Variants in MYZAP observed in about 807,000 individuals in gnomAD.
MYZAP encodes myocardial zonula adherens protein, also known as GRINL1A complex locus upstream.
Under a neutral mutation model 69.4 loss-of-function variants are expected in MYZAP, and 66 were observed. That is an observed-to-expected ratio of 0.95 (90% CI 0.78 to 1.17). The LOEUF (loss-of-function observed/expected upper bound fraction) is 1.17, where lower values mean the gene tolerates loss of function less well. Among genes scored for constraint, MYZAP ranks in the 50% most tolerant of loss-of-function variants. The pLI is 0.00. For synonymous variants in MYZAP, 256 were observed against 205.9 expected, an observed-to-expected ratio of 1.24 and a Z score of -2.09; for missense variants, 611 against 556.2, an observed-to-expected ratio of 1.10 and a Z score of -0.99.
chr15:57,644,382 G>A (rs189974957), intron 10 of MYZAP, among the ~76,000 whole-genome samples: 5 of 152,224 alleles, frequency 3.3e-5, no homozygotes, highest in Admixed American at 2.6e-4. Flanking sequence ...GCACTGTCAG[G>A]GGACCTTCAC....
At chr15:57,624,405 T>G (rs1388974835) in intron 4 of MYZAP, among the ~76,000 whole-genome samples, 2 of 152,168 alleles carry the variant, frequency 1.3e-5, no homozygotes, top group South Asian at 2.1e-4. Context: ...ATTTCTTGAT[T>G]ATAGGAGTGG....
At position 57,633,747 on chromosome 15, in the gene MYZAP, A is replaced by C. The variant is rs1347254150; in HGVS notation, c.933+6A>C. On this transcript the variant is annotated splice_donor_region_variant and intron_variant, in intron 8 of 12. Coordinates refer to ENST00000267853, the MANE Select transcript of MYZAP (RefSeq NM_001018100.5). ...TGATTGAGCGCATGGAAAAGGTAGGACACAGCGTTGGGCCTATTGCCCACT... is the reference window on the plus strand; with the variant it reads ...TGATTGAGCGCATGGAAAAGGTAGGCCACAGCGTTGGGCCTATTGCCCACT... 1.3e-6 allele frequency: 2 copies of C among 1,599,326 alleles called. No individual in the cohort carries two copies. The highest frequency in any genetic ancestry group is 1.7e-6 in the Non-Finnish European group (2 of 1,173,140).
Position 57,673,463 on chromosome 15 carries a change from CGTGTGTGTGTGTGTGTGTGTGT to C in MYZAP, c.1204-1471_1204-1450del, listed in dbSNP as rs3051249. ...CTGCACGTGTGCGCATGCGTGCATGCGTGTGTGTGTGTGTGTGTGTGTGTGTGTGTGTGTGTGTGTGTGTGTG... is the reference window on the plus strand; with the variant it reads ...CTGCACGTGTGCGCATGCGTGCATGCGTGTGTGTGTGTGTGTGTGTGTGTG... On this transcript the variant is annotated intron_variant, in intron 11 of 12. Transcript: ENST00000267853. Among the ~76,000 whole-genome samples, 31 of 102,664 alleles carry C rather than the reference CGTGTGTGTGTGTGTGTGTGTGT, an allele frequency of 3.0e-4. 1 individual carries two copies. Among genetic ancestry groups the C allele is most frequent in the African/African-American group, 8.1e-4 (22 of 27,010 alleles). 67.4% of individuals were successfully genotyped at this position (102,664 alleles called of 152,430 possible).
chr15:57,671,805 T>C (rs1360117684), intron 11 of MYZAP, among the ~76,000 whole-genome samples: 22 of 152,212 alleles, frequency 1.4e-4, no homozygotes, highest in African/African-American at 5.3e-4. Context: ...TGACTGATCA[T>C]TGTTATGATG....
chr15:57,615,951 A>G (rs2035409065), intron 2 of MYZAP, among the ~76,000 whole-genome samples: 1 of 118,690 alleles, frequency 8.4e-6, no homozygotes, highest in Non-Finnish European at 1.7e-5. Context: ...TTACATTGAA[A>G]CGAAGCAAAA....
In MYZAP at chr15:57,616,822, C is replaced by CTTTTTT. The variant is rs763856721; in HGVS notation, c.163-1191_163-1186dup. ...GAGACTCCATCTAAAAAAAAAAGTG[C>CTTTTTT]TTTTTTTTTTTTTTTTTTTTTTTTT... On this transcript the variant is annotated intron_variant, in intron 2 of 12. Transcript: ENST00000267853. Among the ~76,000 whole-genome samples the CTTTTTT allele has an allele frequency of 1.3e-3, 63 of 50,058 alleles. 2 individuals are homozygous for CTTTTTT. Among genetic ancestry groups the CTTTTTT allele is most frequent in the South Asian group, 3.7e-3 (4 of 1,076 alleles). 32.8% of individuals were successfully genotyped at this position (50,058 alleles called of 152,430 possible).
intron 11 of MYZAP, among the ~76,000 whole-genome samples, chr15:57,662,484 C>T (rs1040823481): frequency 2.0e-5 from 3 of 152,114 alleles, no homozygotes; most frequent in African/African-American, 7.2e-5. Context: ...CAAGTGTGAA[C>T]CCTGGATCTG....
chr15:57,600,626 A>T (rs2034349500), intron 1 of MYZAP, among the ~76,000 whole-genome samples: 1 of 152,160 alleles, frequency 6.6e-6, no homozygotes, highest in African/African-American at 2.4e-5. Flanking sequence ...ACCATTAAGG[A>T]TTACCCCTCT....
At chr15:57,635,144 T>TG (rs1192485366) in intron 8 of MYZAP, among the ~76,000 whole-genome samples, 1 of 152,210 alleles carries the variant, frequency 6.6e-6, no homozygotes, top group African/African-American at 2.4e-5. Context: ...ATTTGAATCT[T>TG]GTGTCTCTTT....
intron 10 of MYZAP, among the ~76,000 whole-genome samples, chr15:57,652,453 C>G (rs564623389): frequency 6.6e-6 from 1 of 152,162 alleles, no homozygotes; most frequent in South Asian, 2.1e-4. Context: ...AGAGAATGGA[C>G]TTTAAAAAAT....
chr15:57,659,491 C>A (rs1249068140), intron 10 of MYZAP, among the ~76,000 whole-genome samples: 1 of 152,120 alleles, frequency 6.6e-6, no homozygotes, highest in African/African-American at 2.4e-5. Context: ...ACTTGTATTG[C>A]TTTCTCTTAC....
At position 57,629,818 on chromosome 15, in the gene MYZAP, G is replaced by A. The variant is rs746777758; in HGVS notation, c.642G>A (p.Glu214=). Residue 214 remains glutamate (E), a synonymous_variant, in exon 6 of 13, where the codon GAG becomes GAA. Transcript: ENST00000267853. ...DKLREKQRQL[E]VAQVENQLLK... ...TGAGGGAAAAGCAGAGGCAGTTGGA[G>A]GTAGCGCAAGTTGAAAACCAGCTGC... 11 of 1,613,888 alleles carry A rather than the reference G, an allele frequency of 6.8e-6. No homozygotes were observed. In the Middle Eastern group the frequency reaches 6.6e-4, roughly 97 times the overall value.
intron 5 of MYZAP, among the ~76,000 whole-genome samples, chr15:57,626,115 T>C (rs932005224): frequency 6.6e-6 from 1 of 152,182 alleles, no homozygotes; most frequent in Non-Finnish European, 1.5e-5. Flanking sequence ...GAAAAGGAAA[T>C]TTAGACCCCG....
intron 11 of MYZAP, among the ~76,000 whole-genome samples, chr15:57,668,450 A>G (rs2038699899): frequency 6.6e-6 from 1 of 152,166 alleles, no homozygotes; most frequent in Non-Finnish European, 1.5e-5. Flanking sequence ...AGTATTGCCA[A>G]CCTTTTAAAT....
At chr15:57,623,777 C>T (rs7167673) in intron 4 of MYZAP, among the ~76,000 whole-genome samples, 27,693 of 137,502 alleles carry the variant, frequency 0.2, 2,906 homozygotes, top group Non-Finnish European at 0.25. Flanking sequence ...TGTATCTCTA[C>T]AATAGAATAT....
chr15:57,640,217 T>C (rs1266907186), intron 10 of MYZAP, among the ~76,000 whole-genome samples: 1 of 152,228 alleles, frequency 6.6e-6, no homozygotes, highest in African/African-American at 2.4e-5. Context: ...AAAATTTGTT[T>C]TAACTTGTGT....
At chr15:57,622,055 T>G (rs1404158428) in intron 4 of MYZAP, among the ~76,000 whole-genome samples, 1 of 152,192 alleles carries the variant, frequency 6.6e-6, no homozygotes, top group African/African-American at 2.4e-5. Context: ...TATCACTGTT[T>G]ACAAACTATA....
chr15:57,633,854 TA>T (rs150236562), intron 8 of MYZAP, 113 bp downstream of exon 8: 96,757 of 954,762 alleles, frequency 0.1, 697 homozygotes, highest in Middle Eastern at 0.14. Context: ...AATTTGCAAT[TA>T]AAAAAAAAAA....
At chr15:57,599,670 G>T (rs1023934033) in intron 1 of MYZAP, 6 of 1,289,208 alleles carry the variant, frequency 4.7e-6, no homozygotes, top group Non-Finnish European at 6.1e-6. Flanking sequence ...AGTTTCAGGA[G>T]ACCATGGAGA....
Sources: gnomAD v4.1 joint callset for allele counts (sites outside exome capture counted in the v4.1 genomes callset) on GRCh38, gnomAD v4.1.1 for gene constraint, MANE v1.5 for transcripts, NCBI Gene and HGNC (gene_info 2026-07-23, HGNC 2026-07-21) for gene names.